Variants in MYORG observed in about 807,000 individuals in gnomAD.
MYORG encodes myogenesis regulating glycosidase, also known as alpha-galactosidase MYORG.
A neutral mutation model predicts 49.8 loss-of-function variants in MYORG; 45 were observed. That is an observed-to-expected ratio of 0.90 (90% CI 0.71 to 1.16). MYORG has a LOEUF of 1.16. MYORG is among the 50% of genes most tolerant of loss of function. The pLI is 0.00. For synonymous variants in MYORG, 552 were observed against 462.9 expected (o/e 1.19, Z -2.47); for missense variants, 1,110 against 1,026.5 (o/e 1.08, Z -1.11).
intron 1 of MYORG, 31 bp from the exon 2 acceptor site, chr9:34,373,037 C>T (rs1820662557): frequency 2.1e-6 from 3 of 1,412,730 alleles, no homozygotes; most frequent in Non-Finnish European, 2.9e-6. Context: ...TGGAACTGAG[C>T]TATCTCATCC....
In MYORG at chr9:34,372,406, C is replaced by T. The variant is rs1588004881; in HGVS notation, c.538G>A (p.Asp180Asn). The T allele has an allele frequency of 2.5e-6, 4 of 1,583,484 alleles. No individual in the cohort carries two copies. The highest frequency in any genetic ancestry group is 1.1e-5 in the South Asian group (1 of 87,306). ...RAVEHAMFLG[D>N]AAAHWYGGAE... ...CCACCATACCAGTGGGCCGCCGCGT[C>T]GCCCAAGAACATGGCGTGCTCCACG... is the stretch of plus-strand genomic sequence containing the variant. Residue 180 changes from aspartate (D) to asparagine (N), a missense_variant, in exon 2 of 2, where the codon GAC becomes AAC. By Grantham distance (23) the Asp-to-Asn change is conservative (BLOSUM62 1). Transcript: ENST00000297625.
Position 34,372,290 on chromosome 9 carries a change from G to A in MYORG, c.654C>T (p.Asp218=). The A allele has an allele frequency of 6.2e-7, 1 of 1,610,396 alleles. No homozygotes were observed. The highest frequency in any genetic ancestry group is 1.3e-5 in the African/African-American group (1 of 74,998). ...PFVTSDVYSS[D]AAFGGILERY... is the part of the protein sequence containing the mutation. ...GCTCGAGGATGCCCCCAAACGCGGC[G>A]TCGGAGGAGTAGACATCGCTGGTGA... The change falls in exon 2 of 2, where the codon GAC becomes GAT. Residue 218 remains aspartate, a synonymous_variant. Transcript: ENST00000297625.
chr9:34,373,011 AAGG>A lies in MYORG; in HGVS notation c.-63-8_-63-6del, dbSNP rs559801883. 1.6e-3 allele frequency: 2,512 copies of A among 1,542,596 alleles called. 6 individuals carry two copies. The highest frequency in any genetic ancestry group is 2.0e-3 in the Non-Finnish European group (2,245 of 1,133,520). ...CTGAGTTCATCTCAACCTGCTCTGA[AAGG>A]AGGAGACAGAGATGGAACTGAGCTA... is the stretch of plus-strand genomic sequence containing the variant. On this transcript the variant is annotated splice_polypyrimidine_tract_variant and splice_region_variant and intron_variant, in intron 1 of 1. Transcript: ENST00000297625.
At chr9:34,373,922 G>C (rs558202470) in intron 1 of MYORG, among the ~76,000 whole-genome samples, 8 of 152,334 alleles carry the variant, frequency 5.3e-5, no homozygotes, top group African/African-American at 1.9e-4. Context: ...CCAGGGCCTG[G>C]TTTGGAGGGA....
At chr9:34,374,436 A>C (rs755124764) in intron 1 of MYORG, among the ~76,000 whole-genome samples, 6 of 152,074 alleles carry the variant, frequency 3.9e-5, no homozygotes, top group African/African-American at 7.2e-5. Flanking sequence ...GTGATTACCA[A>C]GCTCGTTCCT....
chr9:34,373,085 G>A, intron 1 of MYORG, 79 bp from the exon 2 acceptor site: 2 of 1,065,150 alleles, frequency 1.9e-6, no homozygotes. Context: ...CTAAGAGGAG[G>A]TGTATACTTT....
In MYORG at chr9:34,371,348, G is replaced by A; in HGVS notation, c.1596C>T (p.Arg532=). 1.2e-6 allele frequency: 2 copies of A among 1,612,966 alleles called. No individual in the cohort carries two copies. Among genetic ancestry groups the A allele is most frequent in the Non-Finnish European group, 1.7e-6 (2 of 1,179,654 alleles). The stretch of plus-strand genomic sequence containing the variant: ...CGGTGAGCACCGCGGGGATGAGTGA[G>A]CGCAACCCCAGGTCGTAGCCCCACA... ...DSVWGYDLGL[R]SLIPAVLTVS... is the part of the protein sequence containing the mutation. The change falls in exon 2 of 2, where the codon CGC becomes CGT. Residue 532 remains arginine (R), a synonymous_variant. Transcript: ENST00000297625.
chr9:34,371,873 T>G lies in MYORG; in HGVS notation c.1071A>C (p.Thr357=), dbSNP rs1264557260. ...SSHLEIDDMY[T]PAYGDFDFDE... The stretch of plus-strand genomic sequence containing the variant: ...CGAAGTCGAAGTCGCCATAAGCAGG[T>G]GTGTACATGTCGTCGATTTCCAGGT... The change falls in exon 2 of 2, where the codon ACA becomes ACC. Residue 357 remains threonine, a synonymous_variant. Coordinates refer to ENST00000297625, the MANE Select transcript of MYORG (RefSeq NM_020702.5). The G allele has an allele frequency of 3.7e-6, 6 of 1,614,050 alleles. No individual in the cohort carries two copies. In the African/African-American group the frequency reaches 5.3e-5, roughly 14 times the overall value.
rs1820573302 is a variant in MYORG, at chr9:34,370,622, G to A, written c.*177C>T. On this transcript the variant is annotated 3_prime_UTR_variant, in exon 2 of 2. Coordinates refer to ENST00000297625, the MANE Select transcript of MYORG (RefSeq NM_020702.5). ...TGCGTTGGAGCAGGAGATTGCTTCA[G>A]TGCCCCCTCCCTAGGCCCCACCTTC... 8.6e-7 allele frequency: 1 copy of A among 1,169,382 alleles called. No homozygotes were observed. The highest frequency in any genetic ancestry group is 1.8e-5 in the South Asian group (1 of 55,404). The allele number at this position is 1,169,382 out of a possible 1,614,324, so 72.4% of individuals were successfully genotyped here.
rs902623488 is a variant in MYORG at position 34,369,380 on chromosome 9, G to C, written c.*1419C>G. 11 of 152,204 alleles carry C rather than the reference G, an allele frequency of 7.2e-5. No individual in the cohort carries two copies. Among genetic ancestry groups the C allele is most frequent in the African/African-American group, 2.7e-4 (11 of 41,442 alleles). 9.4% of individuals were successfully genotyped at this position (152,204 alleles called of 1,614,324 possible). A position where few individuals can be genotyped will look rare whatever the true frequency, so the allele number is the denominator to read the frequency against. On this transcript the variant is annotated 3_prime_UTR_variant, in exon 2 of 2. Transcript: ENST00000297625. ...GAAAAAACTCACTCCGGCTGAGGTT[G>C]CTCTTCTTAGAAAGAGAAAATGGCT...
Position 34,370,922 on chromosome 9 carries a change from G to A in MYORG, c.2022C>T (p.Asp674=), listed in dbSNP as rs370312886. The A allele has an allele frequency of 1.7e-5, 27 of 1,613,294 alleles. No homozygotes were observed. The highest frequency in any genetic ancestry group is 2.1e-5 in the Non-Finnish European group (25 of 1,179,720). The change falls in exon 2 of 2, where the codon GAC becomes GAT. Residue 674 remains aspartate (D), a synonymous_variant. Transcript: ENST00000297625. ...PVLEPGKQER[D]VYLPAGKWRS... ...GCCACTTGCCGGCGGGCAAATAGAC[G>A]TCGCGCTCCTGCTTGCCTGGCTCCA... is the stretch of plus-strand genomic sequence containing the variant.
intron 1 of MYORG, among the ~76,000 whole-genome samples, chr9:34,375,452 T>C (rs4878564): frequency 0.18 from 27,886 of 152,104 alleles, 2,809 homozygotes; most frequent in East Asian, 0.45. Flanking sequence ...AGATACAGCT[T>C]AGAAAACACC....
In MYORG at chr9:34,372,451, C is replaced by A; in HGVS notation, c.493G>T (p.Glu165Ter). The change falls in exon 2 of 2, where the codon GAG (glutamate) becomes TAG (stop). Residue 165 changes from glutamate to a stop codon, truncating the protein, a stop_gained. Transcript: ENST00000297625. LOFTEE classifies it high-confidence loss of function. The stretch of plus-strand genomic sequence containing the variant: ...TCCACGGCCCGGCCCGGCGCTGCCT[C>A]CTCCCAGCGCACGCGGTAGCACATG... ...TVMCYRVRWE[E>*]AAPGRAVEHA... 6.3e-7 allele frequency: 1 copy of A among 1,585,828 alleles called. No homozygotes were observed. Among genetic ancestry groups the A allele is most frequent in the Non-Finnish European group, 8.6e-7 (1 of 1,167,320 alleles).
In MYORG at chr9:34,372,916, G is replaced by C. The variant is rs755964295; in HGVS notation, c.28C>G (p.Gln10Glu). 6.2e-7 allele frequency: 1 copy of C among 1,613,842 alleles called. No individual in the cohort carries two copies. The highest frequency in any genetic ancestry group is 2.2e-5 in the East Asian group (1 of 44,876). Residue 10 changes from glutamine (Q) to glutamate (E), a missense_variant, in exon 2 of 2, where the codon CAG becomes GAG. Transcript: ENST00000297625. MLQNPQEKS[Q>E]AYPRRRRPGC... The stretch of plus-strand genomic sequence containing the variant: ...GGCCGGCGGCGGCGGGGGTAGGCCT[G>C]GCTCTTCTCCTGAGGGTTCTGGAGC...
rs1181984269 is a variant in MYORG, at chr9:34,372,258, C to T, written c.686G>A (p.Trp229Ter). ...AAFGGILERY[W>*]LSSRAAAIKV... ...GATGGCGGCCGCGCGCGAAGATAGCCAGTAGCGCTCGAGGATGCCCCCAAA... is the reference window on the plus strand; with the variant it reads ...GATGGCGGCCGCGCGCGAAGATAGCTAGTAGCGCTCGAGGATGCCCCCAAA... Residue 229 changes from tryptophan to a stop codon, truncating the protein, a stop_gained, in exon 2 of 2, where the codon TGG becomes TAG. Transcript: ENST00000297625. LOFTEE classifies it high-confidence loss of function. The T allele has an allele frequency of 6.2e-7, 1 of 1,610,782 alleles. No homozygotes were observed. The highest frequency in any genetic ancestry group is 8.5e-7 in the Non-Finnish European group (1 of 1,179,022).
chr9:34,367,225 C>T lies in MYORG; in HGVS notation c.*3574G>A, dbSNP rs192799102. 6.6e-6 allele frequency: 1 copy of T among 152,208 alleles called. No individual in the cohort carries two copies. The highest frequency in any genetic ancestry group is 6.5e-5 in the Admixed American group (1 of 15,284). 9.4% of individuals were successfully genotyped at this position (152,208 alleles called of 1,614,324 possible). On this transcript the variant is annotated 3_prime_UTR_variant, in exon 2 of 2. Transcript: ENST00000297625. ...CCCCTATGATTCAATTATCTCCCACCAGGTCCCTCCCACAATTATGGGAGC... is the reference window on the plus strand; with the variant it reads ...CCCCTATGATTCAATTATCTCCCACTAGGTCCCTCCCACAATTATGGGAGC...
rs1240810033 is a variant in MYORG at position 34,367,122 on chromosome 9, A to G, written c.*3677T>C. 6.6e-6 allele frequency: 1 copy of G among 152,252 alleles called. No individual in the cohort carries two copies. The highest frequency in any genetic ancestry group is 1.5e-5 in the Non-Finnish European group (1 of 68,094). The allele number at this position is 152,252 out of a possible 1,614,324, so 9.4% of individuals were successfully genotyped here. The stretch of plus-strand genomic sequence containing the variant: ...AGACAAGAGAGAATGAGAGCCAAGC[A>G]AAAGGGGAAACCCCTTATTAAACCA... On this transcript the variant is annotated 3_prime_UTR_variant, in exon 2 of 2. Transcript: ENST00000297625.
rs1820711321 is a variant in MYORG, at chr9:34,376,069, A to G, written c.-64+724T>C. ...ATAATGATCTGACCTGGCTGCCTGAATGCAGTAGCAGAAAGGAGCCCTGGG... is the reference window on the plus strand; with the variant it reads ...ATAATGATCTGACCTGGCTGCCTGAGTGCAGTAGCAGAAAGGAGCCCTGGG... On this transcript the variant is annotated intron_variant, in intron 1 of 1. Transcript: ENST00000297625. The surrounding 1 kb of genome is among the most constrained non-coding windows in gnomAD (Gnocchi z 4.4). 6.6e-6 allele frequency among the ~76,000 whole-genome samples: 1 copy of G among 152,242 alleles called. No individual in the cohort carries two copies. Among genetic ancestry groups the G allele is most frequent in the Admixed American group, 6.5e-5 (1 of 15,288 alleles).
Position 34,370,673 on chromosome 9 carries a change from T to A in MYORG, c.*126A>T, listed in dbSNP as rs1820573930. ...AGCAGCTGGTTCCAGCACATTTAAG[T>A]CAGCAGCCACTTAATGGGTGGTATA... On this transcript the variant is annotated 3_prime_UTR_variant, in exon 2 of 2. Transcript: ENST00000297625. 7.0e-7 allele frequency: 1 copy of A among 1,424,528 alleles called. No individual in the cohort carries two copies. Among genetic ancestry groups the A allele is most frequent in the African/African-American group, 1.5e-5 (1 of 67,860 alleles). The allele number at this position is 1,424,528 out of a possible 1,614,324, so 88.2% of individuals were successfully genotyped here. A position where few individuals can be genotyped will look rare whatever the true frequency, so the allele number is the denominator to read the frequency against.
Sources: gnomAD v4.1 joint callset for allele counts (sites outside exome capture counted in the v4.1 genomes callset) on GRCh38, gnomAD v4.1.1 for gene constraint, Gnocchi (gnomAD v3.1) non-coding constraint, MANE v1.5 for transcripts, NCBI Gene and HGNC (gene_info 2026-07-23, HGNC 2026-07-21) for gene names.